IRF2: variants seen among roughly 807,000 people sequenced by gnomAD.
IRF2 encodes the protein interferon regulatory factor 2.
A neutral mutation model predicts 40.6 loss-of-function variants in IRF2; 15 were observed. The ratio of observed to expected loss-of-function variants is 0.37; its 90% CI spans 0.25 to 0.57. The LOEUF (loss-of-function observed/expected upper bound fraction) is 0.57, where lower values mean the gene tolerates loss of function less well. Ranked by LOEUF, IRF2 falls within the 20% of genes least tolerant of loss-of-function variation. The pLI is 0.77. For synonymous variants in IRF2, 151 were observed against 165.5 expected (o/e 0.91, Z 0.67); for missense variants, 317 against 455.7 (o/e 0.70, Z 2.77).
chr4:184,437,029 G>A (rs1398887369), intron 1 of IRF2, among the ~76,000 whole-genome samples: 5 of 152,108 alleles, frequency 3.3e-5, no homozygotes, highest in African/African-American at 9.6e-5. Context: ...AGGACTACAG[G>A]TGCATCCACT....
intron 1 of IRF2, among the ~76,000 whole-genome samples, chr4:184,429,594 C>T (rs187751175): frequency 9.0e-4 from 137 of 152,278 alleles, no homozygotes; most frequent in African/African-American, 3.3e-3. Context: ...TTGGCTTTCC[C>T]AAAGTTTTCC....
intron 7 of IRF2, 74 bp downstream of exon 7, chr4:184,398,841 G>A (rs1736564592): frequency 2.2e-6 from 3 of 1,382,024 alleles, no homozygotes; most frequent in Non-Finnish European, 2.9e-6. Context: ...GTGGGGTGGT[G>A]AGATGGGTGA....
chr4:184,409,112 G>C (rs188493878), intron 5 of IRF2, among the ~76,000 whole-genome samples: 1 of 152,048 alleles, frequency 6.6e-6, no homozygotes, highest in Non-Finnish European at 1.5e-5. Flanking sequence ...CTGCTGCTAC[G>C]ATAGCAATCA....
intron 7 of IRF2, among the ~76,000 whole-genome samples, chr4:184,391,805 G>A (rs914632210): frequency 1.3e-5 from 2 of 152,234 alleles, no homozygotes; most frequent in African/African-American, 4.8e-5. Context: ...ATCCCCATTT[G>A]GCCTGCCAGC....
chr4:184,428,180 A>G (rs1296065856), intron 2 of IRF2, among the ~76,000 whole-genome samples: 2 of 152,222 alleles, frequency 1.3e-5, no homozygotes. Flanking sequence ...TTCTTAGGAA[A>G]GGTGGACACA....
intron 1 of IRF2, among the ~76,000 whole-genome samples, chr4:184,470,765 T>C (rs1739488220): frequency 6.7e-6 from 1 of 150,020 alleles, no homozygotes; most frequent in African/African-American, 2.5e-5. Context: ...ACACCTGCAA[T>C]GACAGATAAT....
At chr4:184,426,612 G>A (rs1474291803) in intron 2 of IRF2, among the ~76,000 whole-genome samples, 4 of 152,110 alleles carry the variant, frequency 2.6e-5, no homozygotes, top group African/African-American at 4.8e-5. Flanking sequence ...TATCTTCTCC[G>A]GGAGCCACAG....
chr4:184,399,707 A>G (rs1736599808), intron 6 of IRF2, among the ~76,000 whole-genome samples: 1 of 152,204 alleles, frequency 6.6e-6, no homozygotes, highest in Non-Finnish European at 1.5e-5. Flanking sequence ...TTCCTGCTCT[A>G]CAGGCAACAT....
intron 7 of IRF2, 61 bp from the exon 8 acceptor site, chr4:184,390,810 C>G (rs1349164079): frequency 6.3e-6 from 10 of 1,582,220 alleles, no homozygotes; most frequent in Non-Finnish European, 7.8e-6. Flanking sequence ...TCCCCAGGCT[C>G]AGGCAGTGTT....
At chr4:184,427,812 A>G (rs1464642648) in intron 2 of IRF2, among the ~76,000 whole-genome samples, 3 of 152,208 alleles carry the variant, frequency 2.0e-5, no homozygotes. Flanking sequence ...ACAATCTGCA[A>G]TCTGGCTCTA....
intron 6 of IRF2, among the ~76,000 whole-genome samples, chr4:184,404,408 T>C (rs1470188847): frequency 6.6e-6 from 1 of 152,190 alleles, no homozygotes; most frequent in Non-Finnish European, 1.5e-5. Context: ...GATAATCATA[T>C]CATTTTACCC....
At chr4:184,464,507 T>C (rs971830160) in intron 1 of IRF2, among the ~76,000 whole-genome samples, 2 of 152,192 alleles carry the variant, frequency 1.3e-5, no homozygotes, top group African/African-American at 2.4e-5. Context: ...ATACAGGACA[T>C]GAAGACAGGG....
chr4:184,439,089 C>T (rs1475807337), intron 1 of IRF2, among the ~76,000 whole-genome samples: 3 of 152,104 alleles, frequency 2.0e-5, no homozygotes, highest in Non-Finnish European at 4.4e-5. Context: ...TTTTGTTGAA[C>T]TTTAGAAAGT....
chr4:184,419,423 A>T, intron 3 of IRF2, 46 bp downstream of exon 3: 1 of 1,280,284 alleles, frequency 7.8e-7, no homozygotes, highest in Non-Finnish European at 1.1e-6. Flanking sequence ...AAACAAAACT[A>T]AGCAAGAGTG....
chr4:184,453,112 GACA>G (rs1232087998), intron 1 of IRF2, among the ~76,000 whole-genome samples: 1 of 152,068 alleles, frequency 6.6e-6, no homozygotes, highest in African/African-American at 2.4e-5. Context: ...GTAAAAAACA[GACA>G]ACATGAGAAA....
chr4:184,458,964 AAT>A (rs150287458), intron 1 of IRF2, among the ~76,000 whole-genome samples: 1,912 of 152,256 alleles, frequency 0.013, 58 homozygotes, highest in African/African-American at 0.042. Flanking sequence ...TTATTACGGC[AAT>A]ATTTTTTTTT....
rs140625015 is a variant in IRF2, at chr4:184,429,007, T to A, written c.58A>T (p.Thr20Ser). ...PWLEEQINSN[T>S]IPGLKWLNKE... ...TTAAGCCACTTGAGCCCCGGGATCG[T>A]GTTGGAGTTTATCTGCTCCTCCAGC... Residue 20 changes from threonine to serine, a missense_variant, in exon 2 of 9, where the codon ACG (threonine) becomes TCG (serine). This residue lies in a region of IRF2 where 55 missense variants were observed against 121.7 expected (regional missense o/e 0.45). Transcript: ENST00000393593. 6.6e-4 allele frequency: 1,064 copies of A among 1,613,984 alleles called. 10 individuals carry two copies. The highest frequency in any genetic ancestry group is 1.0e-4 in the Non-Finnish European group (121 of 1,179,968).
Position 184,408,310 on chromosome 4 carries a change from C to T in IRF2, c.412-35G>A, listed in dbSNP as rs770457365. The T allele has an allele frequency of 1.6e-6, 2 of 1,270,666 alleles. No homozygotes were observed. The highest frequency in any genetic ancestry group is 1.5e-5 in the African/African-American group (1 of 67,956). The allele number at this position is 1,270,666 out of a possible 1,614,324, so 78.7% of individuals were successfully genotyped here. On this transcript the variant is annotated intron_variant, in intron 5 of 8. Transcript: ENST00000393593. This position sits in a 1 kb window ranked among gnomAD's most constrained non-coding sequence, Gnocchi z 4.9. ...AGAAAAGAAAAAAGAATTGAGAACA[C>T]TTCCTTTCCCCTCCCTTCTCTTAGC...
intron 5 of IRF2, among the ~76,000 whole-genome samples, chr4:184,415,168 A>G (rs1737219341): frequency 6.6e-6 from 1 of 152,228 alleles, no homozygotes; most frequent in Non-Finnish European, 1.5e-5. Context: ...TACACTGGAA[A>G]GCACAATGCA....
Sources: allele counts gnomAD v4.1 joint callset (sites outside exome capture counted in the v4.1 genomes callset), GRCh38; gene constraint gnomAD v4.1.1; regional missense constraint gnomAD v4.1.1; non-coding constraint Gnocchi (gnomAD v3.1); transcripts MANE v1.5; gene names NCBI Gene and HGNC (gene_info 2026-07-23, HGNC 2026-07-21).